SYT1: variants seen among roughly 807,000 people sequenced by gnomAD.
The protein encoded by SYT1 is synaptotagmin 1, also known as synaptotagmin-1.
SYT1 carries 8 observed loss-of-function variants against 44.8 expected under a neutral mutation model. That is an observed-to-expected ratio of 0.18 (90% CI 0.10 to 0.32). The LOEUF is 0.32. SYT1 is among the 10% of genes least tolerant of loss of function. SYT1 has a pLI of 1.00. For synonymous variants in SYT1, 154 were observed against 188.8 expected (o/e 0.82, Z 1.51); for missense variants, 286 against 509.3 (o/e 0.56, Z 4.22).
intron 4 of SYT1, among the ~76,000 whole-genome samples, chr12:79,233,171 A>C (rs936121708): frequency 6.6e-6 from 1 of 152,156 alleles, no homozygotes; most frequent in African/African-American, 2.4e-5. Context: ...TCCTCCAGCT[A>C]AACAGTGTCC....
intron 4 of SYT1, among the ~76,000 whole-genome samples, chr12:79,226,314 T>A (rs1041684082): frequency 6.6e-6 from 1 of 152,212 alleles, no homozygotes; most frequent in Non-Finnish European, 1.5e-5. Context: ...ATTACTTTAT[T>A]TTTTCCTCCC....
intron 8 of SYT1, among the ~76,000 whole-genome samples, chr12:79,314,094 G>A (rs1034476387): frequency 3.1e-4 from 46 of 146,916 alleles, no homozygotes; most frequent in African/African-American, 1.2e-3. Flanking sequence ...GCGTGAACCC[G>A]GGAGGCGGAG....
intron 8 of SYT1, among the ~76,000 whole-genome samples, chr12:79,333,477 T>C (rs1301028654): frequency 2.0e-5 from 3 of 152,192 alleles, no homozygotes; most frequent in Non-Finnish European, 4.4e-5. Flanking sequence ...ACAGTGTACC[T>C]ATTCAGAAAT....
chr12:79,225,120 G>GA lies in SYT1; in HGVS notation c.166+7449dup, dbSNP rs200287362. On this transcript the variant is annotated intron_variant, in intron 4 of 10. Coordinates refer to ENST00000261205, the MANE Select transcript of SYT1 (RefSeq NM_005639.3). ...TTAAAAGATTATTCTTGCTACAGTG[G>GA]AAAAAAAAAAAAAAGCAGGGGTAGC... Among the ~76,000 whole-genome samples the GA allele has an allele frequency of 3.0e-3, 383 of 129,396 alleles. 1 individual carries two copies. The highest frequency in any genetic ancestry group is 7.9e-3 in the Middle Eastern group (2 of 254). The allele number at this position is 129,396 out of a possible 152,430, so 84.9% of individuals were successfully genotyped here.
intron 2 of SYT1, among the ~76,000 whole-genome samples, chr12:79,030,490 A>G (rs141138320): frequency 1.4e-3 from 214 of 151,226 alleles, no homozygotes; most frequent in African/African-American, 4.9e-3. Flanking sequence ...AAATGCCATT[A>G]GGGCTTTTAC....
chr12:79,009,189 G>A (rs1176802089), intron 2 of SYT1, among the ~76,000 whole-genome samples: 6 of 152,108 alleles, frequency 3.9e-5, no homozygotes, highest in African/African-American at 9.7e-5. Flanking sequence ...TCTATAAATG[G>A]TTAGTACTTT....
intron 2 of SYT1, among the ~76,000 whole-genome samples, chr12:79,038,667 G>GA (rs1873305551): frequency 6.6e-6 from 1 of 151,868 alleles, no homozygotes; most frequent in African/African-American, 2.4e-5. Flanking sequence ...GTCCAAGACA[G>GA]AAAACTCTGA....
intron 3 of SYT1, among the ~76,000 whole-genome samples, chr12:79,120,418 A>C (rs1163714235): frequency 6.6e-6 from 1 of 151,988 alleles, no homozygotes; most frequent in African/African-American, 2.4e-5. Context: ...AATCAAAGTT[A>C]AAATTTAAAA....
At chr12:79,123,080 A>G (rs1868306034) in intron 3 of SYT1, among the ~76,000 whole-genome samples, 1 of 152,232 alleles carries the variant, frequency 6.6e-6, no homozygotes, top group Admixed American at 6.5e-5. Context: ...TTATGATGGA[A>G]AGAATAAAAT....
At chr12:78,995,196 G>A (rs1352632112) in intron 2 of SYT1, among the ~76,000 whole-genome samples, 1 of 152,152 alleles carries the variant, frequency 6.6e-6, no homozygotes, top group Non-Finnish European at 1.5e-5. Flanking sequence ...ACTAATTGAA[G>A]TTTTAACAAG....
chr12:79,111,738 CA>C (rs1232522047), intron 3 of SYT1, among the ~76,000 whole-genome samples: 48 of 142,214 alleles, frequency 3.4e-4, no homozygotes, highest in South Asian at 2.2e-4. Flanking sequence ...ACAAATCCTG[CA>C]AAAAAAAAAA....
intron 2 of SYT1, among the ~76,000 whole-genome samples, chr12:78,989,104 A>G (rs1869847310): frequency 6.6e-6 from 1 of 152,102 alleles, no homozygotes; most frequent in African/African-American, 2.4e-5. Context: ...TGGTGAAGCC[A>G]TTTATTCTGA....
intron 5 of SYT1, among the ~76,000 whole-genome samples, chr12:79,291,196 G>A (rs1490146276): frequency 6.6e-6 from 1 of 152,174 alleles, no homozygotes; most frequent in Admixed American, 6.5e-5. Flanking sequence ...GTTATAAAGA[G>A]TATTCAATTG....
intron 2 of SYT1, chr12:79,036,528 T>C (rs997708455): frequency 1.3e-5 from 2 of 151,776 alleles, no homozygotes. Context: ...TCTCTTCACT[T>C]GGGGATGCTA....
intron 3 of SYT1, among the ~76,000 whole-genome samples, chr12:79,169,062 T>A (rs1461973042): frequency 6.6e-6 from 1 of 152,074 alleles, no homozygotes; most frequent in Admixed American, 6.6e-5. Context: ...AGAGTCCCAT[T>A]GAAATTATGG....
chr12:79,394,626 G>A (rs1284336305), intron 9 of SYT1, among the ~76,000 whole-genome samples: 2 of 152,066 alleles, frequency 1.3e-5, no homozygotes, highest in Admixed American at 1.3e-4. Flanking sequence ...ATTTAAAGAT[G>A]CTTAACTTTT....
intron 9 of SYT1, among the ~76,000 whole-genome samples, chr12:79,385,852 G>C (rs915387330): frequency 6.6e-6 from 1 of 152,170 alleles, no homozygotes; most frequent in African/African-American, 2.4e-5. Flanking sequence ...CATACACCAA[G>C]ATTCATAACT....
At chr12:79,304,172 G>T (rs1262513959) in intron 8 of SYT1, among the ~76,000 whole-genome samples, 2 of 152,170 alleles carry the variant, frequency 1.3e-5, no homozygotes, top group Admixed American at 6.6e-5. Flanking sequence ...CATGTCTATG[G>T]TTCCTCACCA....
chr12:79,251,008 G>A (rs1270168633), intron 4 of SYT1, among the ~76,000 whole-genome samples: 3 of 152,200 alleles, frequency 2.0e-5, no homozygotes, highest in Admixed American at 6.5e-5. Context: ...CCATGTGACA[G>A]CATTGTACTC....
Sources: gnomAD v4.1 joint callset for allele counts (sites outside exome capture counted in the v4.1 genomes callset) on GRCh38, gnomAD v4.1.1 for gene constraint, MANE v1.5 for transcripts, NCBI Gene and HGNC (gene_info 2026-07-23, HGNC 2026-07-21) for gene names.